The following KLHL29 variants were observed in gnomAD, a reference collection of about 807,000 sequenced individuals.
The protein encoded by KLHL29 is kelch-like protein 29.
Under a neutral mutation model 80.4 loss-of-function variants are expected in KLHL29, and 21 were observed. That is an observed-to-expected ratio of 0.26 (90% CI 0.19 to 0.38). The LOEUF is 0.38. Ranked by LOEUF, KLHL29 falls within the 10% of genes least tolerant of loss-of-function variation. KLHL29 has a pLI of 1.00. For missense variants in KLHL29, 867 were observed against 1,223.9 expected (o/e 0.71, Z 4.35); for synonymous variants, 511 against 526.8 (o/e 0.97, Z 0.41).
intron 2 of KLHL29, among the ~76,000 whole-genome samples, chr2:23,504,661 C>A (rs1665549446): frequency 6.6e-6 from 1 of 152,190 alleles, no homozygotes. Context: ...ACTAACTGGG[C>A]CAGAAAAAGA....
rs149563287 is a variant in KLHL29 at position 23,682,587 on chromosome 2, G to T, written c.941-1812G>T. On this transcript the variant is annotated intron_variant, in intron 5 of 13. Coordinates refer to ENST00000486442, the MANE Select transcript of KLHL29 (RefSeq NM_052920.2). This position sits in a 1 kb window ranked among gnomAD's most constrained non-coding sequence, Gnocchi z 4.1. Reference sequence around the variant, plus strand: ...TGGAGCTCCCAGGCAAGACTGTTGCGATCTGGCCCCGCCCACCGCCTCATT... The same window carrying T: ...TGGAGCTCCCAGGCAAGACTGTTGCTATCTGGCCCCGCCCACCGCCTCATT... 6.6e-6 allele frequency among the ~76,000 whole-genome samples: 1 copy of T among 152,054 alleles called. No individual in the cohort carries two copies. The highest frequency in any genetic ancestry group is 2.4e-5 in the African/African-American group (1 of 41,404).
chr2:23,703,925 A>C lies in KLHL29; in HGVS notation c.2444+62A>C, dbSNP rs1017707143. On this transcript the variant is annotated intron_variant, in intron 13 of 13. Transcript: ENST00000486442. ...GAGGAGTGGGAGGAGGAGGGGTGTGACCACAATGATTTCCTGCCATCAGTG... is the reference window on the plus strand; with the variant it reads ...GAGGAGTGGGAGGAGGAGGGGTGTGCCCACAATGATTTCCTGCCATCAGTG... The C allele has an allele frequency of 8.8e-6, 13 of 1,469,898 alleles. No homozygotes were observed. In the African/African-American group the frequency reaches 1.8e-4, roughly 21 times the overall value. 91.1% of individuals were successfully genotyped at this position (1,469,898 alleles called of 1,614,324 possible).
At chr2:23,516,905 C>T (rs528736848) in intron 2 of KLHL29, among the ~76,000 whole-genome samples, 5 of 152,324 alleles carry the variant, frequency 3.3e-5, no homozygotes, top group East Asian at 3.9e-4. Flanking sequence ...CCAAGTCTTG[C>T]GTGTGGTGTC....
chr2:23,500,091 A>G (rs72784255), intron 2 of KLHL29, among the ~76,000 whole-genome samples: 3,012 of 152,292 alleles, frequency 0.02, 37 homozygotes, highest in Non-Finnish European at 0.025. Flanking sequence ...AGTGAATGAA[A>G]ACATCTCTGC....
intron 3 of KLHL29, among the ~76,000 whole-genome samples, chr2:23,572,234 T>C (rs1205435551): frequency 6.6e-6 from 1 of 152,180 alleles, no homozygotes; most frequent in African/African-American, 2.4e-5. Flanking sequence ...AACAGGAAGA[T>C]CTCTCATGCC....
intron 3 of KLHL29, among the ~76,000 whole-genome samples, chr2:23,633,827 G>A (rs1296245527): frequency 1.3e-5 from 2 of 151,476 alleles, no homozygotes; most frequent in East Asian, 3.9e-4. Flanking sequence ...GTGCTATGCT[G>A]AAGGCTCAAC....
At chr2:23,459,723 T>C (rs1030422515) in intron 1 of KLHL29, among the ~76,000 whole-genome samples, 28 of 152,202 alleles carry the variant, frequency 1.8e-4, no homozygotes, top group African/African-American at 6.8e-4. Context: ...CCATGCCACA[T>C]CAGTTGTTAA....
Position 23,691,879 on chromosome 2 carries a change from G to A in KLHL29, c.1282+3G>A. 1 of 1,548,078 alleles carries A rather than the reference G, an allele frequency of 6.5e-7. No individual in the cohort carries two copies. The highest frequency in any genetic ancestry group is 8.7e-7 in the Non-Finnish European group (1 of 1,146,932). On this transcript the variant is annotated splice_donor_region_variant and intron_variant, in intron 7 of 13. Transcript: ENST00000486442. The stretch of plus-strand genomic sequence containing the variant: ...CAAAGTCTGCGTGTCCTTTCTCGGT[G>A]AGCCCGGGGGCCACATATGTCGCTT...
At chr2:23,641,325 C>T (rs899927994) in intron 4 of KLHL29, among the ~76,000 whole-genome samples, 9 of 152,318 alleles carry the variant, frequency 5.9e-5, no homozygotes, top group South Asian at 2.1e-4. Flanking sequence ...CAGGGCTGGC[C>T]GTGCCCAGGT....
At chr2:23,588,311 A>G (rs1007706074) in intron 3 of KLHL29, among the ~76,000 whole-genome samples, 1 of 152,118 alleles carries the variant, frequency 6.6e-6, no homozygotes, top group Admixed American at 6.5e-5. Flanking sequence ...CCCACTTGGG[A>G]GCAGGCCTCA....
At chr2:23,557,774 C>A (rs1667335757) in intron 2 of KLHL29, among the ~76,000 whole-genome samples, 1 of 152,144 alleles carries the variant, frequency 6.6e-6, no homozygotes. Flanking sequence ...TCCTCCCCAG[C>A]TGGAAGGAGA....
intron 1 of KLHL29, among the ~76,000 whole-genome samples, chr2:23,449,783 GC>G (rs1663814515): frequency 6.6e-6 from 1 of 152,086 alleles, no homozygotes; most frequent in African/African-American, 2.4e-5. Context: ...CTCTCCAATG[GC>G]CCATACAACT....
chr2:23,517,296 G>T (rs189490631), intron 2 of KLHL29, among the ~76,000 whole-genome samples: 1 of 152,228 alleles, frequency 6.6e-6, no homozygotes, highest in Non-Finnish European at 1.5e-5. Flanking sequence ...TGTAATCCCA[G>T]CACTTTGGGA....
chr2:23,561,679 C>G (rs999639661), intron 2 of KLHL29, among the ~76,000 whole-genome samples: 1 of 152,166 alleles, frequency 6.6e-6, no homozygotes, highest in Non-Finnish European at 1.5e-5. Context: ...TCACAGGCTA[C>G]TGTAGGAGGA....
intron 2 of KLHL29, among the ~76,000 whole-genome samples, chr2:23,486,446 A>G (rs747002): frequency 0.67 from 101,711 of 151,544 alleles, 34,197 homozygotes; most frequent in Middle Eastern, 0.77. Flanking sequence ...TATCTGCATC[A>G]TGAGGGGACT....
rs546211391 is a variant in KLHL29 at position 23,627,640 on chromosome 2, T to C, written c.286-11499T>C. Reference sequence around the variant, plus strand: ...CGTGTGTGCTGCCCTGTTTGTCTCTTTGTCTCGCTGCCCCTCGGTGTGACT... The same window carrying C: ...CGTGTGTGCTGCCCTGTTTGTCTCTCTGTCTCGCTGCCCCTCGGTGTGACT... On this transcript the variant is annotated intron_variant, in intron 3 of 13. Coordinates refer to ENST00000486442, the MANE Select transcript of KLHL29 (RefSeq NM_052920.2). 3.9e-5 allele frequency among the ~76,000 whole-genome samples: 6 copies of C among 152,286 alleles called. No individual in the cohort carries two copies. In the South Asian group the frequency reaches 1.2e-3, roughly 32 times the overall value.
chr2:23,676,765 G>T (rs1670934050), intron 5 of KLHL29, among the ~76,000 whole-genome samples: 1 of 152,246 alleles, frequency 6.6e-6, no homozygotes, highest in African/African-American at 2.4e-5. Context: ...TGAACTTAGA[G>T]AGTTGGGGGA....
intron 5 of KLHL29, among the ~76,000 whole-genome samples, chr2:23,677,885 A>G (rs1055089768): frequency 1.3e-5 from 2 of 152,178 alleles, no homozygotes; most frequent in African/African-American, 4.8e-5. Context: ...AATATGTGTC[A>G]TACATACCAA....
intron 6 of KLHL29, among the ~76,000 whole-genome samples, chr2:23,687,459 C>A (rs888881625): frequency 1.3e-5 from 2 of 152,364 alleles, no homozygotes; most frequent in South Asian, 2.1e-4. Context: ...CCCACAGCCA[C>A]AGGACAGAAT....
Sources: gnomAD v4.1 joint callset for allele counts (sites outside exome capture counted in the v4.1 genomes callset) on GRCh38, gnomAD v4.1.1 for gene constraint, Gnocchi (gnomAD v3.1) non-coding constraint, MANE v1.5 for transcripts, NCBI Gene and HGNC (gene_info 2026-07-23, HGNC 2026-07-21) for gene names.